ZNF385A: variants seen among roughly 807,000 people sequenced by gnomAD.
ZNF385A encodes the protein hematopoietic zinc finger protein.
In ZNF385A, 14 loss-of-function variants were observed where a neutral mutation model predicts 32.1. The observed-to-expected ratio is 0.44, with a 90% CI of 0.29 to 0.68. The LOEUF (loss-of-function observed/expected upper bound fraction) is 0.68. ZNF385A is among the 30% of genes least tolerant of loss of function. The probability of loss-of-function intolerance (pLI) is 0.14; values close to 1 mark genes in which losing one functional copy is unlikely to be tolerated. For synonymous variants in ZNF385A, 197 were observed against 202.7 expected, an observed-to-expected ratio of 0.97 and a Z score of 0.24; for missense variants, 406 against 478.4, an observed-to-expected ratio of 0.85 and a Z score of 1.41.
chr12:54,373,152 T>TGC (rs1344673766), intron 3 of ZNF385A: 1 of 155,948 alleles, frequency 6.4e-6, no homozygotes, highest in Non-Finnish European at 1.4e-5. Flanking sequence ...TGTGTGTGTG[T>TGC]GTGTGTGTGT....
chr12:54,387,454 C>T (rs1955520990), upstream of ZNF385A, among the ~76,000 whole-genome samples: 4 of 152,200 alleles, frequency 2.6e-5, no homozygotes. Context: ...AGAAACAGGA[C>T]TCTTGGTTTC....
intron 2 of ZNF385A, 116 bp downstream of exon 2, chr12:54,375,728 C>T (rs559482175): frequency 1.3e-5 from 11 of 863,504 alleles, no homozygotes; most frequent in Admixed American, 6.0e-5. Flanking sequence ...CCTAATATCC[C>T]CTTAATCCCT....
chr12:54,376,541 G>T (rs772778832), intron 1 of ZNF385A, among the ~76,000 whole-genome samples: 4 of 152,194 alleles, frequency 2.6e-5, no homozygotes, highest in Non-Finnish European at 4.4e-5. Flanking sequence ...GGGAGTAAAA[G>T]AACTCAGGAG....
chr12:54,390,340 C>A (rs937511550), intron 1 of ZNF385A, among the ~76,000 whole-genome samples: 3 of 152,092 alleles, frequency 2.0e-5, no homozygotes, highest in Non-Finnish European at 4.4e-5. Flanking sequence ...TTTCCTCCCC[C>A]ACCCCTGGGG....
chr12:54,374,013 G>T lies in ZNF385A; in HGVS notation c.321C>A (p.Gly107=). 1.3e-6 allele frequency: 2 copies of T among 1,589,820 alleles called. No individual in the cohort carries two copies. The highest frequency in any genetic ancestry group is 1.1e-5 in the South Asian group (1 of 88,108). Residue 107 remains glycine (G), a synonymous_variant, in exon 3 of 7, where the codon GGC becomes GGA. Transcript: ENST00000394313. ...CACCATCCCCATTTGTTGGGGTGCT[G>T]CCTGGGGGAGCTGGGTCTCCAGGTT... ...VREPGDPAPP[G]STPTNGDGVA...
intron 1 of ZNF385A, among the ~76,000 whole-genome samples, chr12:54,377,867 G>T (rs1258352550): frequency 2.3e-4 from 35 of 152,096 alleles, no homozygotes; most frequent in Non-Finnish European, 1.9e-4. Context: ...GAGAGGAGTG[G>T]GATGGAAGGG....
Position 54,374,606 on chromosome 12 carries a change from CCTGA to C in ZNF385A, c.199-475_199-472del. Among the ~76,000 whole-genome samples, 3 of 152,290 alleles carry C rather than the reference CCTGA, an allele frequency of 2.0e-5. No individual in the cohort carries two copies. The Middle Eastern group carries it at 0.01, about 518-fold the overall frequency. On this transcript the variant is annotated intron_variant, in intron 2 of 6. Coordinates refer to ENST00000394313, the MANE Select transcript of ZNF385A (RefSeq NM_015481.3). ...AGGATCCCTGATGCCTGGGCTCTGT[CCTGA>C]CTACTTCCCCTTGGGTCTCATTTTC...
chr12:54,381,144 G>A (rs753236455), intron 1 of ZNF385A, among the ~76,000 whole-genome samples: 30 of 150,198 alleles, frequency 2.0e-4, no homozygotes, highest in Non-Finnish European at 3.1e-4. Context: ...TGCAGTGAGC[G>A]GAGATTGGGC....
At chr12:54,380,938 T>C (rs1955129316) in intron 1 of ZNF385A, among the ~76,000 whole-genome samples, 1 of 152,002 alleles carries the variant, frequency 6.6e-6, no homozygotes, top group African/African-American at 2.4e-5. Flanking sequence ...TGGCTCATGC[T>C]TGTAATCCCA....
chr12:54,379,405 C>T (rs1955022138), intron 1 of ZNF385A, among the ~76,000 whole-genome samples: 1 of 152,002 alleles, frequency 6.6e-6, no homozygotes, highest in African/African-American at 2.4e-5. Flanking sequence ...CCGCTTGGCC[C>T]CGCGGCAGGG....
At chr12:54,386,173 G>GAC (rs57780822), upstream of ZNF385A, among the ~76,000 whole-genome samples, 13,527 of 137,996 alleles carry the variant, frequency 0.098, 721 homozygotes, top group South Asian at 0.18. Context: ...GTGGAGAGAG[G>GAC]ACACACACAC....
chr12:54,386,199 CACACACACACAG>C (rs1286728503), upstream of ZNF385A, among the ~76,000 whole-genome samples: 1 of 149,568 alleles, frequency 6.7e-6, no homozygotes, highest in African/African-American at 2.5e-5. Flanking sequence ...CACACACACA[CACACACACACAG>C]AGAGACGGAC....
chr12:54,373,837 A>C, intron 3 of ZNF385A, 136 bp downstream of exon 3: 1 of 934,368 alleles, frequency 1.1e-6, no homozygotes, highest in Non-Finnish European at 1.5e-6. Context: ...GCCTGGCTCC[A>C]GGACTCACCT....
At chr12:54,377,433 G>A (rs952176596) in intron 1 of ZNF385A, among the ~76,000 whole-genome samples, 7 of 152,192 alleles carry the variant, frequency 4.6e-5, no homozygotes, top group Admixed American at 4.6e-4. Context: ...ACAGGAGAAC[G>A]GGTGTGTCTG....
chr12:54,379,154 G>A, intron 1 of ZNF385A: 3 of 981,182 alleles, frequency 3.1e-6, no homozygotes, highest in Non-Finnish European at 3.6e-6. Flanking sequence ...GGCAGGCCAG[G>A]GACGCGGCGC....
In ZNF385A at chr12:54,370,532, T is replaced by A; in HGVS notation, c.871-46A>T. The A allele has an allele frequency of 6.5e-7, 1 of 1,546,484 alleles. No individual in the cohort carries two copies. Among genetic ancestry groups the A allele is most frequent in the East Asian group, 2.4e-5 (1 of 40,906 alleles). On this transcript the variant is annotated intron_variant, in intron 6 of 6. Transcript: ENST00000394313. This position sits in a 1 kb window ranked among gnomAD's most constrained non-coding sequence, Gnocchi z 5.5. ...AGGAAGAGAAGTCACCCGGCGGTCC[T>A]GCAAACCCCACCTCTCCCTGGGCAA... is the stretch of plus-strand genomic sequence containing the variant.
intron 1 of ZNF385A, among the ~76,000 whole-genome samples, chr12:54,390,394 G>A (rs1293582537): frequency 6.6e-6 from 1 of 152,108 alleles, no homozygotes; most frequent in African/African-American, 2.4e-5. Context: ...GGCTGTGGCT[G>A]ACGGGCTGTC....
At chr12:54,383,893 C>T (rs917788794) in intron 1 of ZNF385A, among the ~76,000 whole-genome samples, 2 of 152,318 alleles carry the variant, frequency 1.3e-5, no homozygotes, top group African/African-American at 4.8e-5. Flanking sequence ...GACTCCGTCT[C>T]ATAAAAACAA....
chr12:54,386,494 C>T (rs1349580596), upstream of ZNF385A, among the ~76,000 whole-genome samples: 3 of 152,106 alleles, frequency 2.0e-5, no homozygotes, highest in Non-Finnish European at 4.4e-5. Context: ...TTGACCACCT[C>T]CCCTTCCTGG....
Sources: allele counts gnomAD v4.1 joint callset (sites outside exome capture counted in the v4.1 genomes callset), GRCh38; gene constraint gnomAD v4.1.1; non-coding constraint Gnocchi (gnomAD v3.1); transcripts MANE v1.5; gene names NCBI Gene and HGNC (gene_info 2026-07-23, HGNC 2026-07-21).